The following MICALL2 variants were observed in gnomAD, a reference collection of about 807,000 sequenced individuals.
MICALL2 encodes the protein MICAL like 2.
A neutral mutation model predicts 91.1 loss-of-function variants in MICALL2; 111 were observed. That is an observed-to-expected ratio of 1.22 (90% CI 1.04 to 1.43). The LOEUF is 1.43. MICALL2 is among the 40% of genes most tolerant of loss of function. MICALL2 has a pLI of 0.00. For missense variants in MICALL2, 1,556 were observed against 1,236.0 expected (o/e 1.26, Z -3.88); for synonymous variants, 694 against 525.3 (o/e 1.32, Z -4.39).
At position 1,437,943 on chromosome 7, in the gene MICALL2, C is replaced by A. The variant is rs1269553213; in HGVS notation, c.2349G>T (p.Trp783Cys). ...GCAGAAGCTGCTTCTCGTGAATGAG[C>A]CAGAACCAGTCCACCATGAGGCTAT... Reference protein sequence around the residue: ...AEDSLMVDWFWLIHEKQLLLR... With the variant: ...AEDSLMVDWFCLIHEKQLLLR... Residue 783 changes from tryptophan to cysteine, a missense_variant, in exon 13 of 17, where the codon TGG (tryptophan) becomes TGT (cysteine). By Grantham distance (215) the Trp-to-Cys change is radical. Coordinates refer to ENST00000297508, the MANE Select transcript of MICALL2 (RefSeq NM_182924.4). 2.6e-6 allele frequency: 4 copies of A among 1,549,954 alleles called. No individual in the cohort carries two copies.
At chr7:1,457,117 T>C (rs1484006050) in intron 1 of MICALL2, among the ~76,000 whole-genome samples, 1 of 152,140 alleles carries the variant, frequency 6.6e-6, no homozygotes, top group African/African-American at 2.4e-5. Flanking sequence ...ACCTCTCTGA[T>C]CTCTGCCTCC....
intron 2 of MICALL2, 77 bp from the exon 3 acceptor site, chr7:1,448,838 T>G (rs1303316176): frequency 1.3e-5 from 20 of 1,557,076 alleles, no homozygotes; most frequent in Non-Finnish European, 1.6e-5. Flanking sequence ...TCACCTCGAC[T>G]CAAAGACACA....
chr7:1,437,652 T>C (rs1046558149), intron 13 of MICALL2, 44 bp from the exon 14 acceptor site: 1 of 1,522,208 alleles, frequency 6.6e-7, no homozygotes, highest in East Asian at 2.5e-5. Context: ...TGCCGCCCTG[T>C]CCCCCGCCTG....
At chr7:1,440,439 G>A (rs1237214505) in intron 8 of MICALL2, 152 bp downstream of exon 8, 7 of 716,826 alleles carry the variant, frequency 9.8e-6, no homozygotes, top group Non-Finnish European at 1.7e-5. Flanking sequence ...CGGCCCCCAT[G>A]TCCCTCAGGC....
At chr7:1,435,220 T>C in intron 15 of MICALL2, 73 bp from the exon 16 acceptor site, 3 of 1,517,548 alleles carry the variant, frequency 2.0e-6, no homozygotes, top group Non-Finnish European at 2.7e-6. Context: ...CCGGACAGTC[T>C]CCAGCAGTGG....
chr7:1,434,985 G>GGGGGC, intron 16 of MICALL2, 116 bp downstream of exon 16: 1 of 255,664 alleles, frequency 3.9e-6, no homozygotes, highest in Non-Finnish European at 7.4e-6. Context: ...CCCGATACCC[G>GGGGGC]CCCCCCCCCC....
At chr7:1,441,564 G>GGAGGCACCAGAGCCCTCAGGTCAT (rs1780278837) in intron 7 of MICALL2, 1 of 154,452 alleles carries the variant, frequency 6.5e-6, no homozygotes, top group African/African-American at 2.4e-5. Flanking sequence ...TCCCAGCCTA[G>GGAGGCACCAGAGCCCTCAGGTCAT]GAGGCACCAG....
chr7:1,442,518 G>A (rs1003766911), intron 6 of MICALL2, 34 bp from the exon 7 acceptor site: 8 of 1,508,496 alleles, frequency 5.3e-6, no homozygotes, highest in African/African-American at 4.2e-5. Flanking sequence ...AGGCACAGCT[G>A]GATCCAGGCG....
intron 13 of MICALL2, 109 bp from the exon 14 acceptor site, chr7:1,437,717 G>C: frequency 7.7e-7 from 1 of 1,298,274 alleles, no homozygotes; most frequent in Non-Finnish European, 1.1e-6. Context: ...CGAGTCTGAG[G>C]CCTGACTCGC....
In MICALL2 at chr7:1,434,605, G is replaced by T. The variant is rs931931374; in HGVS notation, c.2706C>A (p.Pro902=). 21 of 1,594,434 alleles carry T rather than the reference G, an allele frequency of 1.3e-5. No homozygotes were observed. The highest frequency in any genetic ancestry group is 1.7e-5 in the Non-Finnish European group (20 of 1,174,070). The change falls in exon 17 of 17, where the codon CCC becomes CCA. Residue 902 remains proline, a synonymous_variant. Coordinates refer to ENST00000297508, the MANE Select transcript of MICALL2 (RefSeq NM_182924.4). ...ACGGCCCTACTGGCTACTACTGGGA[G>T]GGGCTGCTTTTGCTTTTTGGTGACC... ...KIWSPKSKSS[P]SQ
rs763795951 is a variant in MICALL2 at position 1,444,698 on chromosome 7, G to A, written c.1372C>T (p.Gln458Ter). 6.2e-7 allele frequency: 1 copy of A among 1,612,200 alleles called. No individual in the cohort carries two copies. ...SKEQARNFLK[Q>*]ALSALEEAGA... ...GCCTCTTCCAGCGCTGAGAGGGCCTGCTTGAGGAAGTTCCGCGCCTGCTCC... is the reference window on the plus strand; with the variant it reads ...GCCTCTTCCAGCGCTGAGAGGGCCTACTTGAGGAAGTTCCGCGCCTGCTCC... The change falls in exon 6 of 17, where the codon CAG becomes TAG. Residue 458 changes from glutamine to a stop codon, truncating the protein, a stop_gained. Coordinates refer to ENST00000297508, the MANE Select transcript of MICALL2 (RefSeq NM_182924.4). LOFTEE classifies it high-confidence loss of function.
rs185437587 is a variant in MICALL2 at position 1,441,098 on chromosome 7, G to A, written c.1712-414C>T. Reference sequence around the variant, plus strand: ...CTTTAACAATGAGAACTCAGCCAAAGAGAAGGATCTGGAAAAACCCTTTGC... The same window carrying A: ...CTTTAACAATGAGAACTCAGCCAAAAAGAAGGATCTGGAAAAACCCTTTGC... On this transcript the variant is annotated intron_variant, in intron 7 of 16. Transcript: ENST00000297508. 97 of 204,774 alleles carry A rather than the reference G, an allele frequency of 4.7e-4. 1 individual carries two copies. The highest frequency in any genetic ancestry group is 2.0e-3 in the African/African-American group (87 of 44,192). 12.7% of individuals were successfully genotyped at this position (204,774 alleles called of 1,614,324 possible). A position where few individuals can be genotyped will look rare whatever the true frequency, so the allele number is the denominator to read the frequency against.
intron 1 of MICALL2, 62 bp downstream of exon 1, chr7:1,459,122 C>T: frequency 6.6e-7 from 1 of 1,519,628 alleles, no homozygotes; most frequent in Non-Finnish European, 8.9e-7. Context: ...CCTCAGTTTC[C>T]CCGCCCGTGT....
intron 1 of MICALL2, among the ~76,000 whole-genome samples, chr7:1,455,369 C>T (rs6463822): frequency 0.014 from 2,081 of 152,256 alleles, 43 homozygotes; most frequent in African/African-American, 0.047. Flanking sequence ...ATGGAAACAG[C>T]GCCCGGGGGC....
chr7:1,446,863 T>C, intron 4 of MICALL2, 35 bp from the exon 5 acceptor site: 1 of 1,442,834 alleles, frequency 6.9e-7, no homozygotes, highest in Non-Finnish European at 9.4e-7. Flanking sequence ...TGAGCAGCCG[T>C]CCACCCAGCC....
chr7:1,437,326 G>A lies in MICALL2; in HGVS notation c.2476+209C>T, dbSNP rs979984514. 1.6e-5 allele frequency: 9 copies of A among 563,226 alleles called. No homozygotes were observed. In the Admixed American group the frequency reaches 2.9e-4, roughly 18 times the overall value. The allele number at this position is 563,226 out of a possible 1,614,324, so 34.9% of individuals were successfully genotyped here. A position where few individuals can be genotyped will look rare whatever the true frequency, so the allele number is the denominator to read the frequency against. On this transcript the variant is annotated intron_variant, in intron 14 of 16. Transcript: ENST00000297508. ...CAAGCATCCTCACTTTGCAGAGGATGAAACCCAAGCACAGCAAGGTTAAGT... is the reference window on the plus strand; with the variant it reads ...CAAGCATCCTCACTTTGCAGAGGATAAAACCCAAGCACAGCAAGGTTAAGT...
intron 1 of MICALL2, among the ~76,000 whole-genome samples, chr7:1,453,411 C>T (rs1229974704): frequency 5.3e-5 from 8 of 152,080 alleles, no homozygotes; most frequent in African/African-American, 1.2e-4. Flanking sequence ...GGAGAGAGGC[C>T]GGGAAGATCC....
chr7:1,435,517 G>C (rs991522310), intron 15 of MICALL2, among the ~76,000 whole-genome samples: 2 of 151,368 alleles, frequency 1.3e-5, no homozygotes, highest in African/African-American at 4.9e-5. Context: ...CGACCACACA[G>C]GTGATGTGGG....
chr7:1,440,722 G>A (rs376387371), intron 7 of MICALL2, 38 bp from the exon 8 acceptor site: 8 of 1,563,294 alleles, frequency 5.1e-6, no homozygotes, highest in Admixed American at 1.7e-5. Context: ...TGAGGAAGGA[G>A]TGCTGGGAAT....
Sources: allele counts gnomAD v4.1 joint callset (sites outside exome capture counted in the v4.1 genomes callset), GRCh38; gene constraint gnomAD v4.1.1; transcripts MANE v1.5; gene names NCBI Gene and HGNC (gene_info 2026-07-23, HGNC 2026-07-21).